The following WDR7 variants were observed in gnomAD, a reference collection of about 807,000 sequenced individuals.
WDR7 encodes the protein WD repeat-containing protein 7.
Under a neutral mutation model 169.4 loss-of-function variants are expected in WDR7, and 46 were observed. The ratio of observed to expected loss-of-function variants is 0.27; its 90% CI spans 0.21 to 0.35. The LOEUF is 0.35. Ranked by LOEUF, WDR7 falls within the 10% of genes least tolerant of loss-of-function variation. WDR7 has a pLI of 1.00. For missense variants in WDR7, 1,534 were observed against 1,859.3 expected (o/e 0.83, Z 3.22); for synonymous variants, 612 against 666.8 (o/e 0.92, Z 1.27).
At chr18:56,881,846 A>C (rs558123222) in intron 21 of WDR7, among the ~76,000 whole-genome samples, 1 of 152,220 alleles carries the variant, frequency 6.6e-6, no homozygotes, top group Non-Finnish European at 1.5e-5. Context: ...TCAGCCTCCC[A>C]AAGTGCTAGG....
At chr18:56,691,846 T>C in intron 9 of WDR7, 29 bp downstream of exon 9, 6 of 1,547,106 alleles carry the variant, frequency 3.9e-6, no homozygotes, top group Non-Finnish European at 5.3e-6. Flanking sequence ...CATTTATAAT[T>C]GAAAGTTACA....
intron 22 of WDR7, among the ~76,000 whole-genome samples, chr18:56,927,316 G>T (rs759667893): frequency 1.3e-5 from 2 of 152,036 alleles, no homozygotes; most frequent in Non-Finnish European, 2.9e-5. Context: ...GATGAAGAGG[G>T]TATTTTCTGG....
At chr18:56,950,266 G>A (rs977977012) in intron 25 of WDR7, among the ~76,000 whole-genome samples, 6 of 152,142 alleles carry the variant, frequency 3.9e-5, no homozygotes, top group African/African-American at 1.4e-4. Flanking sequence ...TTTTCATCAT[G>A]GATATTCTGA....
chr18:56,956,716 G>C (rs1451231846), intron 25 of WDR7, among the ~76,000 whole-genome samples: 1 of 152,036 alleles, frequency 6.6e-6, no homozygotes, highest in East Asian at 1.9e-4. Flanking sequence ...TACCTCATAG[G>C]TATTTCCTTT....
At chr18:56,673,221 C>T (rs2025173874) in intron 2 of WDR7, among the ~76,000 whole-genome samples, 1 of 151,768 alleles carries the variant, frequency 6.6e-6, no homozygotes, top group Non-Finnish European at 1.5e-5. Flanking sequence ...AACATAACAC[C>T]ACAGCGTTTA....
At chr18:56,953,765 C>T (rs1454138740) in intron 25 of WDR7, among the ~76,000 whole-genome samples, 1 of 152,206 alleles carries the variant, frequency 6.6e-6, no homozygotes, top group Non-Finnish European at 1.5e-5. Context: ...GTATTTTTAG[C>T]AGAGTTTTCA....
At chr18:56,993,329 A>G (rs1383835601) in intron 26 of WDR7, among the ~76,000 whole-genome samples, 1 of 152,238 alleles carries the variant, frequency 6.6e-6, no homozygotes, top group Non-Finnish European at 1.5e-5. Context: ...ACAATTTGGC[A>G]TATGGATGCC....
intron 14 of WDR7, among the ~76,000 whole-genome samples, chr18:56,739,438 G>A (rs1464694809): frequency 6.6e-6 from 1 of 152,016 alleles, no homozygotes; most frequent in Non-Finnish European, 1.5e-5. Flanking sequence ...TAGTTGCCAT[G>A]CATTGTAACT....
intron 20 of WDR7, among the ~76,000 whole-genome samples, chr18:56,867,883 T>G (rs2045903674): frequency 6.6e-6 from 1 of 152,184 alleles, no homozygotes; most frequent in Admixed American, 6.5e-5. Flanking sequence ...GAAATGAAAT[T>G]AACTAGATAA....
At chr18:56,723,372 A>T (rs574322562) in intron 13 of WDR7, among the ~76,000 whole-genome samples, 1 of 151,818 alleles carries the variant, frequency 6.6e-6, no homozygotes, top group South Asian at 2.1e-4. Context: ...CTTTTGTCTA[A>T]TACTTAATTT....
chr18:56,870,741 G>A (rs1599116639), intron 20 of WDR7, among the ~76,000 whole-genome samples: 2 of 152,246 alleles, frequency 1.3e-5, no homozygotes, highest in East Asian at 3.9e-4. Flanking sequence ...TCCTGCCTCA[G>A]CTTCCAAAGT....
Position 56,782,191 on chromosome 18 carries a change from T to C in WDR7, c.3190+535T>C, listed in dbSNP as rs565703546. The C allele has an allele frequency of 3.9e-5, 6 of 152,348 alleles. No individual in the cohort carries two copies. The South Asian group carries it at 1.2e-3, about 32-fold the overall frequency. The allele number at this position is 152,348 out of a possible 1,614,324, so 9.4% of individuals were successfully genotyped here. On this transcript the variant is annotated intron_variant, in intron 19 of 27. Coordinates refer to ENST00000254442, the MANE Select transcript of WDR7 (RefSeq NM_015285.3). ...GATTAGAAAAATTGTTGAAATTTTT[T>C]GAATATTCTTTTGCAAAATAAAAGC...
chr18:56,796,972 C>A (rs79735995), intron 19 of WDR7, among the ~76,000 whole-genome samples: 9,393 of 152,160 alleles, frequency 0.062, 424 homozygotes, highest in Middle Eastern at 0.14. Flanking sequence ...ACTGTCTTTC[C>A]TTTGCTGGGA....
chr18:56,945,797 T>A (rs1372672445), intron 25 of WDR7, among the ~76,000 whole-genome samples: 1 of 152,128 alleles, frequency 6.6e-6, no homozygotes, highest in African/African-American at 2.4e-5. Flanking sequence ...CACTAAACTT[T>A]GAAAACCAAG....
At chr18:56,791,974 A>G (rs1394610814) in intron 19 of WDR7, among the ~76,000 whole-genome samples, 1 of 151,650 alleles carries the variant, frequency 6.6e-6, no homozygotes, top group Non-Finnish European at 1.5e-5. Flanking sequence ...GATGACAATA[A>G]TTAGGGAGAA....
At chr18:56,797,094 C>T (rs941877071) in intron 19 of WDR7, among the ~76,000 whole-genome samples, 2 of 152,152 alleles carry the variant, frequency 1.3e-5, no homozygotes, top group Non-Finnish European at 2.9e-5. Flanking sequence ...TGCATCAGCT[C>T]TGCTTCGGAT....
intron 20 of WDR7, among the ~76,000 whole-genome samples, chr18:56,836,292 G>A (rs1397362465): frequency 1.3e-5 from 2 of 152,080 alleles, no homozygotes; most frequent in South Asian, 2.1e-4. Context: ...TACAACAAAC[G>A]AAACCGTCTG....
intron 25 of WDR7, among the ~76,000 whole-genome samples, chr18:56,954,839 G>A (rs2047230592): frequency 6.6e-6 from 1 of 152,098 alleles, no homozygotes; most frequent in Non-Finnish European, 1.5e-5. Flanking sequence ...CTTTTGAACT[G>A]AATGAAAAAA....
rs575664952 is a variant in WDR7, at chr18:56,906,803, A to C, written c.3527-17119A>C. 7.2e-5 allele frequency among the ~76,000 whole-genome samples: 11 copies of C among 152,236 alleles called. No individual in the cohort carries two copies. The East Asian group carries it at 2.1e-3, about 29-fold the overall frequency. On this transcript the variant is annotated intron_variant, in intron 21 of 27. Coordinates refer to ENST00000254442, the MANE Select transcript of WDR7 (RefSeq NM_015285.3). ...GTGATCCACCCACCTTGGCCTCCCA[A>C]AGTGCTGGGATTACAGGCATGAGCC...
Sources: gnomAD v4.1 joint callset for allele counts (sites outside exome capture counted in the v4.1 genomes callset) on GRCh38, gnomAD v4.1.1 for gene constraint, MANE v1.5 for transcripts, NCBI Gene and HGNC (gene_info 2026-07-23, HGNC 2026-07-21) for gene names.